The following RIMS1 variants were observed in gnomAD, a reference collection of about 807,000 sequenced individuals.
The protein encoded by RIMS1 is regulating synaptic membrane exocytosis 1.
A neutral mutation model predicts 214.1 loss-of-function variants in RIMS1; 83 were observed. The observed-to-expected ratio is 0.39, with a 90% confidence interval of 0.32 to 0.47. RIMS1 has a LOEUF of 0.47. Ranked by LOEUF, RIMS1 falls within the 20% of genes least tolerant of loss-of-function variation. The probability of loss-of-function intolerance (pLI) is 0.99; values close to 1 mark genes in which losing one functional copy is unlikely to be tolerated. For missense variants in RIMS1, 2,050 were observed against 2,161.8 expected, an observed-to-expected ratio of 0.95 and a Z score of 1.03; for synonymous variants, 793 against 786.8, an observed-to-expected ratio of 1.01 and a Z score of -0.13.
intron 1 of RIMS1, among the ~76,000 whole-genome samples, chr6:71,924,974 G>C (rs943942357): frequency 1.3e-5 from 2 of 152,254 alleles, no homozygotes; most frequent in East Asian, 1.9e-4. Context: ...CAGTGGTAGG[G>C]ACTGTGCAGT....
intron 6 of RIMS1, among the ~76,000 whole-genome samples, chr6:72,194,452 A>T (rs564394179): frequency 2.8e-4 from 42 of 152,088 alleles, no homozygotes; most frequent in South Asian, 1.9e-3. Flanking sequence ...TATGTTTGTT[A>T]AAAAAAGGTA....
At chr6:72,079,556 G>A (rs1213284392) in intron 2 of RIMS1, among the ~76,000 whole-genome samples, 1 of 152,140 alleles carries the variant, frequency 6.6e-6, no homozygotes, top group African/African-American at 2.4e-5. Context: ...GGCAATAATT[G>A]TCTTTGATGC....
intron 6 of RIMS1, among the ~76,000 whole-genome samples, chr6:72,215,727 T>A (rs9446603): frequency 6.6e-6 from 1 of 152,272 alleles, no homozygotes; most frequent in South Asian, 2.1e-4. Flanking sequence ...GGCGGAAGTT[T>A]GGGAAAAGAA....
At chr6:71,951,478 C>CTTT (rs71731452) in intron 1 of RIMS1, among the ~76,000 whole-genome samples, 8 of 128,856 alleles carry the variant, frequency 6.2e-5, no homozygotes, top group Non-Finnish European at 1.3e-4. Context: ...TTTTCTTTTT[C>CTTT]TTTTTTTTTT....
At chr6:72,098,476 G>A (rs1296591546) in intron 3 of RIMS1, among the ~76,000 whole-genome samples, 6 of 151,846 alleles carry the variant, frequency 4.0e-5, no homozygotes, top group African/African-American at 1.5e-4. Flanking sequence ...TGTATTTTCA[G>A]TAGAGACGGG....
intron 2 of RIMS1, among the ~76,000 whole-genome samples, chr6:72,037,944 C>T (rs1244024894): frequency 1.3e-5 from 2 of 150,796 alleles, no homozygotes; most frequent in Non-Finnish European, 3.0e-5. Flanking sequence ...AACTGCACCT[C>T]GAGTTGCTCA....
At chr6:71,982,799 C>G (rs1292573119) in intron 2 of RIMS1, among the ~76,000 whole-genome samples, 42 of 152,092 alleles carry the variant, frequency 2.8e-4, no homozygotes, top group Non-Finnish European at 6.0e-4. Context: ...CTTTACTAGT[C>G]TAATTCATCC....
At chr6:72,356,654 G>C (rs1404635426) in intron 29 of RIMS1, among the ~76,000 whole-genome samples, 1 of 151,670 alleles carries the variant, frequency 6.6e-6, no homozygotes, top group African/African-American at 2.4e-5. Flanking sequence ...CAGCTACTCA[G>C]GAGGCTGAGG....
chr6:72,055,957 G>A (rs986045228), intron 2 of RIMS1, among the ~76,000 whole-genome samples: 1 of 152,142 alleles, frequency 6.6e-6, no homozygotes, highest in Non-Finnish European at 1.5e-5. Flanking sequence ...AAAGACACAT[G>A]CATGCATATG....
chr6:71,921,785 A>C (rs1221219681), intron 1 of RIMS1, among the ~76,000 whole-genome samples: 2 of 152,196 alleles, frequency 1.3e-5, no homozygotes, highest in Admixed American at 1.3e-4. Context: ...AACCATAAAG[A>C]AACCTATTTT....
intron 4 of RIMS1, among the ~76,000 whole-genome samples, chr6:72,124,443 T>C (rs116209273): frequency 0.011 from 1,731 of 151,900 alleles, 35 homozygotes; most frequent in African/African-American, 0.04. Context: ...ATCTGACAAT[T>C]ATGTGTGTGT....
At chr6:72,149,157 T>C (rs2043167168) in intron 4 of RIMS1, among the ~76,000 whole-genome samples, 1 of 152,172 alleles carries the variant, frequency 6.6e-6, no homozygotes. Context: ...AAACTTTAAT[T>C]GCTGCATCCT....
intron 2 of RIMS1, among the ~76,000 whole-genome samples, chr6:72,025,411 C>T (rs546379655): frequency 6.6e-6 from 1 of 152,196 alleles, no homozygotes. Flanking sequence ...TAATCTACTT[C>T]AATGTCCTGC....
intron 6 of RIMS1, among the ~76,000 whole-genome samples, chr6:72,225,612 A>C (rs2059961854): frequency 6.6e-6 from 1 of 152,204 alleles, no homozygotes; most frequent in Non-Finnish European, 1.5e-5. Context: ...CAGTCCCCAA[A>C]CAATGAAAAC....
chr6:72,108,799 A>G (rs2035341723), intron 4 of RIMS1, among the ~76,000 whole-genome samples: 1 of 150,346 alleles, frequency 6.7e-6, no homozygotes, highest in East Asian at 2.0e-4. Context: ...TGCTGCACCC[A>G]TTAACTCGTC....
intron 29 of RIMS1, among the ~76,000 whole-genome samples, chr6:72,345,283 A>G (rs1446762925): frequency 6.6e-6 from 1 of 151,668 alleles, no homozygotes; most frequent in East Asian, 1.9e-4. Context: ...CACTAATTGC[A>G]AAGTCAGTGT....
intron 2 of RIMS1, among the ~76,000 whole-genome samples, chr6:72,066,341 G>C (rs1316489087): frequency 6.6e-6 from 1 of 152,076 alleles, no homozygotes; most frequent in Non-Finnish European, 1.5e-5. Flanking sequence ...GCATTTCACT[G>C]ACTGTAAAAC....
intron 1 of RIMS1, among the ~76,000 whole-genome samples, chr6:71,953,246 C>T (rs1447486767): frequency 6.6e-6 from 1 of 152,120 alleles, no homozygotes; most frequent in South Asian, 2.1e-4. Flanking sequence ...GCGTTAACTT[C>T]CCAAAGTTCT....
At chr6:71,911,894 C>T (rs927484984) in intron 1 of RIMS1, among the ~76,000 whole-genome samples, 35 of 152,124 alleles carry the variant, frequency 2.3e-4, no homozygotes, top group African/African-American at 7.7e-4. Context: ...TAAATTTGAC[C>T]TCCCTTTACC....
Sources: allele counts gnomAD v4.1 joint callset (sites outside exome capture counted in the v4.1 genomes callset), GRCh38; gene constraint gnomAD v4.1.1; transcripts MANE v1.5; gene names NCBI Gene and HGNC (gene_info 2026-07-23, HGNC 2026-07-21).